SMIM14: variants seen among roughly 807,000 people sequenced by gnomAD.
SMIM14 encodes the protein chromosome 4 open reading frame 34.
A neutral mutation model predicts 12.6 loss-of-function variants in SMIM14; 5 were observed. The observed-to-expected ratio is 0.40, with a 90% CI of 0.21 to 0.83. The LOEUF (loss-of-function observed/expected upper bound fraction) is 0.83. Ranked by LOEUF, SMIM14 falls within the 40% of genes least tolerant of loss-of-function variation. The probability of loss-of-function intolerance (pLI) is 0.37; values close to 1 mark genes in which losing one functional copy is unlikely to be tolerated. For missense variants in SMIM14, 86 were observed against 119.1 expected (o/e 0.72, Z 1.29); for synonymous variants, 30 against 40.1 (o/e 0.75, Z 0.95).
chr4:39,571,940 G>A (rs866569244), intron 3 of SMIM14, among the ~76,000 whole-genome samples: 3 of 151,726 alleles, frequency 2.0e-5, no homozygotes, highest in African/African-American at 7.3e-5. Flanking sequence ...AGTAGCTGGG[G>A]CTGCAGGCAT....
chr4:39,554,654 C>CTTTT (rs111326390), intron 4 of SMIM14, among the ~76,000 whole-genome samples: 38 of 95,184 alleles, frequency 4.0e-4, no homozygotes, highest in Non-Finnish European at 5.1e-4. Context: ...GGAAATTTTC[C>CTTTT]TTTTTTTTTT....
intron 1 of SMIM14, among the ~76,000 whole-genome samples, chr4:39,631,669 A>AT (rs1291716290): frequency 4.1e-5 from 5 of 122,604 alleles, no homozygotes; most frequent in African/African-American, 1.4e-4. Flanking sequence ...AAAAAAAAAA[A>AT]AAAATAAATA....
chr4:39,551,356 T>G lies in SMIM14; in HGVS notation c.*770A>C, dbSNP rs1711694504. 1 of 152,664 alleles carries G rather than the reference T, an allele frequency of 6.6e-6. No homozygotes were observed. The allele number at this position is 152,664 out of a possible 1,614,324, so 9.5% of individuals were successfully genotyped here. A position where few individuals can be genotyped will look rare whatever the true frequency, so the allele number is the denominator to read the frequency against. On this transcript the variant is annotated 3_prime_UTR_variant, in exon 5 of 5. Transcript: ENST00000295958. ...AAGAATTAATGTTTTCCTCCTTTCA[T>G]GAACCTTGTAAGGCTAGTGTTGAGT...
chr4:39,553,681 C>T (rs930039972), intron 4 of SMIM14, among the ~76,000 whole-genome samples: 1 of 151,282 alleles, frequency 6.6e-6, no homozygotes, highest in Non-Finnish European at 1.5e-5. Context: ...GCAACCTCCA[C>T]CTTCTGGGTT....
intron 2 of SMIM14, among the ~76,000 whole-genome samples, chr4:39,574,411 C>A (rs978673846): frequency 5.3e-5 from 8 of 151,960 alleles, no homozygotes; most frequent in African/African-American, 1.9e-4. Flanking sequence ...CGTCTAATTT[C>A]TTTTGTATTT....
intron 3 of SMIM14, among the ~76,000 whole-genome samples, chr4:39,565,646 G>A (rs762055258): frequency 3.9e-5 from 6 of 152,252 alleles, no homozygotes; most frequent in South Asian, 2.1e-4. Flanking sequence ...TGAGCAAAAT[G>A]CAGATGATAT....
At chr4:39,605,899 G>A (rs772104220) in intron 1 of SMIM14, among the ~76,000 whole-genome samples, 1 of 152,008 alleles carries the variant, frequency 6.6e-6, no homozygotes, top group African/African-American at 2.4e-5. Flanking sequence ...CACCACGCCC[G>A]GCTACTTTTC....
At chr4:39,617,132 A>ACATACATGTGTAAACAACAAAG (rs1715255976) in intron 1 of SMIM14, among the ~76,000 whole-genome samples, 4 of 151,948 alleles carry the variant, frequency 2.6e-5, no homozygotes, top group Non-Finnish European at 5.9e-5. Context: ...TATGTACAAA[A>ACATACATGTGTAAACAACAAAG]TTACATACAT....
intron 1 of SMIM14, among the ~76,000 whole-genome samples, chr4:39,606,619 G>A (rs1277057565): frequency 2.8e-5 from 4 of 140,986 alleles, no homozygotes; most frequent in South Asian, 2.4e-4. Context: ...CCAGCCTGGC[G>A]ACAGAGCAAG....
intron 2 of SMIM14, among the ~76,000 whole-genome samples, chr4:39,576,674 ATATATATATATTTTTTTTTTTTTT>A (rs1713195858): frequency 7.1e-5 from 2 of 28,214 alleles, no homozygotes; most frequent in Non-Finnish European, 1.4e-4. Context: ...ATATATATAT[ATATATATATATTTTTTTTTTTTTT>A]TTTTTTTTTT....
At chr4:39,581,518 C>CTTTTTTTTTTTTTTTTTT (rs1432369898) in intron 2 of SMIM14, among the ~76,000 whole-genome samples, 3 of 132,094 alleles carry the variant, frequency 2.3e-5, no homozygotes, top group East Asian at 2.3e-4. Flanking sequence ...TTTTCTTTTT[C>CTTTTTTTTTTTTTTTTTT]TTTTTTTTTT....
At chr4:39,562,664 T>C (rs1203740558) in intron 3 of SMIM14, among the ~76,000 whole-genome samples, 1 of 151,998 alleles carries the variant, frequency 6.6e-6, no homozygotes, top group Admixed American at 6.6e-5. Flanking sequence ...AATTTTTTTA[T>C]ATTTTTAAAA....
chr4:39,547,821 T>A lies in SMIM14; in HGVS notation c.*4305A>T, dbSNP rs1747398508. On this transcript the variant is annotated 3_prime_UTR_variant, in exon 5 of 5. Transcript: ENST00000295958. ...ATAGAATAGCTGTATTCAATAATTA[T>A]TTTGGAAAATCCACATTATGAAATA... 1 of 152,198 alleles carries A rather than the reference T, an allele frequency of 6.6e-6. No homozygotes were observed. The highest frequency in any genetic ancestry group is 2.4e-5 in the African/African-American group (1 of 41,440). 9.4% of individuals were successfully genotyped at this position (152,198 alleles called of 1,614,324 possible). A position where few individuals can be genotyped will look rare whatever the true frequency, so the allele number is the denominator to read the frequency against.
In SMIM14 at chr4:39,619,077, G is replaced by A. The variant is rs1352023258; in HGVS notation, c.-35-13897C>T. On this transcript the variant is annotated intron_variant, in intron 1 of 4. Coordinates refer to ENST00000295958, the MANE Select transcript of SMIM14 (RefSeq NM_174921.3). ...AAGTGATGATAGAGGGTAAGACAGG[G>A]TTTAGATAATTTAGCATGTTCAGTT... Among the ~76,000 whole-genome samples, 3 of 151,776 alleles carry A rather than the reference G, an allele frequency of 2.0e-5. No homozygotes were observed. In the East Asian group the frequency reaches 5.8e-4, roughly 29 times the overall value.
At chr4:39,573,394 G>A (rs1311586454) in intron 2 of SMIM14, among the ~76,000 whole-genome samples, 4 of 152,064 alleles carry the variant, frequency 2.6e-5, no homozygotes, top group Non-Finnish European at 5.9e-5. Context: ...CACCATGCCC[G>A]TGACCCATGT....
intron 2 of SMIM14, among the ~76,000 whole-genome samples, chr4:39,577,756 C>G (rs1395261817): frequency 3.3e-5 from 5 of 152,012 alleles, no homozygotes; most frequent in Admixed American, 6.6e-5. Flanking sequence ...AAAATGAGTG[C>G]CTTTGTACAC....
chr4:39,576,686 T>TATATATATATA (rs1560289819), intron 2 of SMIM14, among the ~76,000 whole-genome samples: 2 of 4,700 alleles, frequency 4.3e-4, no homozygotes, highest in Non-Finnish European at 3.3e-4. Flanking sequence ...ATATATATAT[T>TATATATATATA]TTTTTTTTTT....
chr4:39,554,964 T>G (rs1424312607), intron 4 of SMIM14, among the ~76,000 whole-genome samples: 2 of 150,852 alleles, frequency 1.3e-5, no homozygotes, highest in Non-Finnish European at 2.9e-5. Context: ...GCCTCCCGAG[T>G]AGCTGGGATT....
intron 4 of SMIM14, among the ~76,000 whole-genome samples, chr4:39,554,619 C>A (rs1309647615): frequency 5.9e-5 from 8 of 135,784 alleles, no homozygotes; most frequent in South Asian, 2.3e-4. Context: ...AAAAAAAAAA[C>A]AACAAAAACA....
Sources: gnomAD v4.1 joint callset for allele counts (sites outside exome capture counted in the v4.1 genomes callset) on GRCh38, gnomAD v4.1.1 for gene constraint, MANE v1.5 for transcripts, NCBI Gene and HGNC (gene_info 2026-07-23, HGNC 2026-07-21) for gene names.